The following FARP1 variants were observed in gnomAD, a reference collection of about 807,000 sequenced individuals.
FARP1 encodes the protein FERM, ARH/RhoGEF and pleckstrin domain protein 1.
FARP1 carries 52 observed loss-of-function variants against 128.8 expected under a neutral mutation model. The observed-to-expected ratio is 0.40, with a 90% CI of 0.32 to 0.51. The LOEUF (loss-of-function observed/expected upper bound fraction) is 0.51. FARP1 is among the 20% of genes least tolerant of loss of function. The probability of loss-of-function intolerance (pLI) is 0.45; values close to 1 mark genes in which losing one functional copy is unlikely to be tolerated. For missense variants in FARP1, 1,333 were observed against 1,367.9 expected (o/e 0.97, Z 0.40); for synonymous variants, 580 against 551.8 (o/e 1.05, Z -0.72).
At chr13:98,274,789 C>T (rs964833908) in intron 2 of FARP1, among the ~76,000 whole-genome samples, 3 of 152,190 alleles carry the variant, frequency 2.0e-5, no homozygotes, top group African/African-American at 7.2e-5. Context: ...CATCAAAAAT[C>T]TCACATATTA....
At chr13:98,150,139 A>G (rs1875889098) in intron 1 of FARP1, among the ~76,000 whole-genome samples, 1 of 150,798 alleles carries the variant, frequency 6.6e-6, no homozygotes, top group Admixed American at 6.6e-5. Flanking sequence ...CCCAGGTTCA[A>G]GTGATTCTTC....
rs143242468 is a variant in FARP1 at position 98,196,414 on chromosome 13, C to G, written c.-23-16806C>G. Among the ~76,000 whole-genome samples the G allele has an allele frequency of 2.0e-3, 308 of 152,184 alleles. 1 individual carries two copies. Among genetic ancestry groups the G allele is most frequent in the African/African-American group, 6.9e-3 (288 of 41,520 alleles). On this transcript the variant is annotated intron_variant, in intron 1 of 26. Coordinates refer to ENST00000319562, the MANE Select transcript of FARP1 (RefSeq NM_005766.4). ...AGTTTCCTCATCTGTAAAAAGGGGT[C>G]AGGGTAGTGTCAGTCTAATGGCGGT...
chr13:98,339,008 A>C (rs1380589916), intron 2 of FARP1: 2 of 152,158 alleles, frequency 1.3e-5, no homozygotes, highest in East Asian at 3.8e-4. Context: ...CCTTTCTAAA[A>C]GAAAGGGAGA....
At position 98,320,532 on chromosome 13, in the gene FARP1, A is replaced by G. The variant is rs544898569; in HGVS notation, c.172-23230A>G. Among the ~76,000 whole-genome samples, 3 of 152,242 alleles carry G rather than the reference A, an allele frequency of 2.0e-5. No individual in the cohort carries two copies. In the East Asian group the frequency reaches 5.8e-4, roughly 29 times the overall value. On this transcript the variant is annotated intron_variant, in intron 2 of 26. Transcript: ENST00000319562. ...TATCCCTAGCAGCAGATAACATAAC[A>G]CCTCATGGAGATACTAAGGTGGTTT...
chr13:98,197,665 C>T (rs1334880328), intron 1 of FARP1, among the ~76,000 whole-genome samples: 5 of 151,150 alleles, frequency 3.3e-5, no homozygotes, highest in Admixed American at 6.6e-5. Flanking sequence ...GATGGAGTCT[C>T]GCTCTGTCAC....
intron 1 of FARP1, among the ~76,000 whole-genome samples, chr13:98,153,300 A>ATG (rs1555322253): frequency 5.4e-5 from 3 of 55,902 alleles, no homozygotes; most frequent in African/African-American, 1.7e-4. Flanking sequence ...ATATATAAAT[A>ATG]TATTTATATA....
At chr13:98,261,942 A>G (rs1883900907) in intron 2 of FARP1, among the ~76,000 whole-genome samples, 1 of 151,826 alleles carries the variant, frequency 6.6e-6, no homozygotes, top group Non-Finnish European at 1.5e-5. Context: ...TCTGGAGGGG[A>G]CACCCAATTC....
intron 2 of FARP1, among the ~76,000 whole-genome samples, chr13:98,225,377 C>A (rs1338209565): frequency 2.0e-5 from 3 of 152,176 alleles, no homozygotes; most frequent in African/African-American, 7.2e-5. Context: ...TGGACTCGCA[C>A]CATTCCTCTG....
chr13:98,349,294 A>G (rs1195954012), intron 3 of FARP1, among the ~76,000 whole-genome samples: 1 of 152,244 alleles, frequency 6.6e-6, no homozygotes, highest in East Asian at 1.9e-4. Flanking sequence ...CTCATGGCAC[A>G]TAGTAGGCAC....
intron 22 of FARP1, 40 bp downstream of exon 22, chr13:98,440,083 T>C: frequency 6.2e-7 from 1 of 1,610,176 alleles, no homozygotes; most frequent in Non-Finnish European, 8.5e-7. Flanking sequence ...TCCCCTTTGA[T>C]GTGCTGTGGC....
chr13:98,444,080 CAGCATCTGG>C (rs2139147978), intron 24 of FARP1, among the ~76,000 whole-genome samples: 1 of 151,724 alleles, frequency 6.6e-6, no homozygotes, highest in South Asian at 2.1e-4. Flanking sequence ...CCCCACCTGA[CAGCATCTGG>C]TGGCTGCGGC....
chr13:98,356,980 A>G (rs1261821635), intron 3 of FARP1, among the ~76,000 whole-genome samples: 1 of 152,178 alleles, frequency 6.6e-6, no homozygotes, highest in Non-Finnish European at 1.5e-5. Flanking sequence ...TTATTCTGAC[A>G]TCTGCATTGC....
At chr13:98,359,235 A>T (rs2139940729) in intron 3 of FARP1, among the ~76,000 whole-genome samples, 1 of 152,290 alleles carries the variant, frequency 6.6e-6, no homozygotes, top group South Asian at 2.1e-4. Flanking sequence ...TTCATGTGTG[A>T]AGTGACCACA....
intron 2 of FARP1, among the ~76,000 whole-genome samples, chr13:98,281,248 G>A (rs1884922988): frequency 6.6e-6 from 1 of 152,142 alleles, no homozygotes. Flanking sequence ...AGCTGAGTAG[G>A]AGGCTGAGGC....
At chr13:98,424,890 G>T (rs74452878) in intron 17 of FARP1, among the ~76,000 whole-genome samples, 249 of 110,514 alleles carry the variant, frequency 2.3e-3, no homozygotes, top group African/African-American at 8.9e-3. Context: ...TGGTGATTTT[G>T]GGGTTTTTTT....
chr13:98,299,509 T>A (rs1226298910), intron 2 of FARP1, among the ~76,000 whole-genome samples: 1 of 152,176 alleles, frequency 6.6e-6, no homozygotes, highest in Non-Finnish European at 1.5e-5. Flanking sequence ...TACAGAAGAC[T>A]CATAAGCCTT....
At chr13:98,386,918 G>T (rs1890118677) in intron 8 of FARP1, among the ~76,000 whole-genome samples, 1 of 152,214 alleles carries the variant, frequency 6.6e-6, no homozygotes, top group African/African-American at 2.4e-5. Flanking sequence ...AGGTAGTAGG[G>T]AGTGACATTG....
At chr13:98,213,070 G>T in intron 1 of FARP1, 150 bp from the exon 2 acceptor site, 1 of 542,642 alleles carries the variant, frequency 1.8e-6, no homozygotes, top group East Asian at 3.0e-5. Flanking sequence ...GCTTAAAGGT[G>T]ACTTTGTGAG....
chr13:98,443,365 A>C (rs1892608345), intron 24 of FARP1, among the ~76,000 whole-genome samples: 1 of 152,106 alleles, frequency 6.6e-6, no homozygotes, highest in African/African-American at 2.4e-5. Flanking sequence ...CCTTGCCAGA[A>C]AGCCCCCTCC....
Sources: gnomAD v4.1 joint callset for allele counts (sites outside exome capture counted in the v4.1 genomes callset) on GRCh38, gnomAD v4.1.1 for gene constraint, MANE v1.5 for transcripts, NCBI Gene and HGNC (gene_info 2026-07-23, HGNC 2026-07-21) for gene names.